RIMBP2: variants seen among roughly 807,000 people sequenced by gnomAD.
RIMBP2 encodes RIMS binding protein 2.
In RIMBP2, 48 loss-of-function variants were observed where a neutral mutation model predicts 118.6. The observed-to-expected ratio is 0.40, with a 90% CI of 0.32 to 0.51. RIMBP2 has a LOEUF of 0.51. Among genes scored for constraint, RIMBP2 ranks in the 20% least tolerant of loss-of-function variants. The pLI, the probability that RIMBP2 is intolerant of heterozygous loss-of-function variation, is 0.41. For missense variants in RIMBP2, 1,551 were observed against 1,768.3 expected (o/e 0.88, Z 2.20); for synonymous variants, 762 against 742.9 (o/e 1.03, Z -0.42).
intron 3 of RIMBP2, among the ~76,000 whole-genome samples, chr12:130,513,917 G>GA (rs1428531395): frequency 6.6e-6 from 1 of 152,230 alleles, no homozygotes; most frequent in Non-Finnish European, 1.5e-5. Flanking sequence ...GATCCAGAAG[G>GA]ACACTGTTGT....
chr12:130,681,698 T>C (rs1348270530), intron 1 of RIMBP2, among the ~76,000 whole-genome samples: 2 of 152,126 alleles, frequency 1.3e-5, no homozygotes, highest in East Asian at 3.9e-4. Context: ...GTATTTCTCT[T>C]TCTTTTTCTT....
At chr12:130,416,295 G>A (rs572050884) in intron 17 of RIMBP2, among the ~76,000 whole-genome samples, 6 of 152,246 alleles carry the variant, frequency 3.9e-5, no homozygotes, top group South Asian at 2.1e-4. Flanking sequence ...GAACAAATCC[G>A]GAGGCATCAC....
chr12:130,596,752 A>G (rs2140377278), intron 2 of RIMBP2, among the ~76,000 whole-genome samples: 1 of 152,334 alleles, frequency 6.6e-6, no homozygotes, highest in Admixed American at 6.5e-5. Context: ...TGCCATTGGG[A>G]AACGCCATCC....
chr12:130,545,037 T>A (rs1156547783), intron 2 of RIMBP2, among the ~76,000 whole-genome samples: 1 of 152,190 alleles, frequency 6.6e-6, no homozygotes, highest in Non-Finnish European at 1.5e-5. Context: ...TTTTTAGGCA[T>A]CCATTGAACA....
intron 1 of RIMBP2, among the ~76,000 whole-genome samples, chr12:130,704,605 A>G (rs1418156125): frequency 6.6e-6 from 1 of 152,068 alleles, no homozygotes; most frequent in East Asian, 1.9e-4. Context: ...ACAAAAGTAA[A>G]TGGCTTCTAA....
intron 4 of RIMBP2, among the ~76,000 whole-genome samples, chr12:130,484,509 C>T (rs1384302713): frequency 2.6e-5 from 4 of 152,344 alleles, no homozygotes; most frequent in East Asian, 3.9e-4. Context: ...GTGCACTGGC[C>T]GGCTCCCTTG....
At chr12:130,433,037 A>C (rs1214135853) in intron 14 of RIMBP2, among the ~76,000 whole-genome samples, 1 of 152,132 alleles carries the variant, frequency 6.6e-6, no homozygotes, top group African/African-American at 2.4e-5. Flanking sequence ...CCTACGCTGC[A>C]AGAAAACCCA....
chr12:130,449,515 G>A (rs1008269784), intron 9 of RIMBP2, among the ~76,000 whole-genome samples: 3 of 152,050 alleles, frequency 2.0e-5, no homozygotes, highest in Admixed American at 6.6e-5. Flanking sequence ...GTGAGGATGC[G>A]GGAGATCAGG....
At chr12:130,610,029 T>A (rs573703964) in intron 2 of RIMBP2, among the ~76,000 whole-genome samples, 17 of 152,270 alleles carry the variant, frequency 1.1e-4, no homozygotes, top group African/African-American at 3.9e-4. Context: ...CCCCAAAAAA[T>A]AGTGTGTGGC....
intron 6 of RIMBP2, among the ~76,000 whole-genome samples, chr12:130,462,192 G>A (rs1160706638): frequency 2.6e-5 from 4 of 152,274 alleles, no homozygotes; most frequent in Middle Eastern, 3.4e-3. Flanking sequence ...ATAAGCCTCC[G>A]ACACACAGGA....
intron 17 of RIMBP2, among the ~76,000 whole-genome samples, chr12:130,415,781 A>T (rs1402204655): frequency 6.6e-6 from 1 of 152,232 alleles, no homozygotes; most frequent in African/African-American, 2.4e-5. Context: ...TTCACTGATG[A>T]TATGATTCTA....
intron 6 of RIMBP2, among the ~76,000 whole-genome samples, chr12:130,466,632 A>G (rs2080502117): frequency 6.6e-6 from 1 of 152,192 alleles, no homozygotes; most frequent in Non-Finnish European, 1.5e-5. Context: ...TCTAAATAAG[A>G]TAGCCGCAAA....
intron 21 of RIMBP2, among the ~76,000 whole-genome samples, chr12:130,403,028 C>T (rs115394065): frequency 0.011 from 1,661 of 152,256 alleles, 26 homozygotes; most frequent in African/African-American, 0.039. Context: ...TCGGGGGTCC[C>T]TGCTTACGCT....
intron 1 of RIMBP2, among the ~76,000 whole-genome samples, chr12:130,653,514 A>G (rs1302879500): frequency 6.6e-6 from 1 of 152,154 alleles, no homozygotes; most frequent in Non-Finnish European, 1.5e-5. Flanking sequence ...CTCAGAATGC[A>G]AGCTGTTGGT....
intron 4 of RIMBP2, 78 bp downstream of exon 4, chr12:130,506,570 G>C: frequency 1.0e-6 from 1 of 955,516 alleles, no homozygotes; most frequent in Non-Finnish European, 1.2e-6. Context: ...CCTTCTGCTC[G>C]GGGTCCTGCA....
At position 130,428,337 on chromosome 12, in the gene RIMBP2, G is replaced by T; in HGVS notation, c.2254C>A (p.Pro752Thr). The change falls in exon 15 of 23, where the codon CCG becomes ACG. Residue 752 changes from proline (P) to threonine (T), a missense_variant and splice_region_variant. Pro to Thr is a conservative substitution (Grantham distance 38, BLOSUM62 -1). Around this residue, in one of 5 missense-constraint regions of RIMBP2, gnomAD observed 1,038 missense variants for 1,125.1 expected, o/e 0.92. Coordinates refer to ENST00000690449, the MANE Select transcript of RIMBP2 (RefSeq NM_001393629.1). ...FLKGSELGKQ[P>T]HCCHGDEYHT... The stretch of plus-strand genomic sequence containing the variant: ...TACTCGTCTCCATGGCAACAGTGCG[G>T]CTGGGGGCCAAGAAAAGGGGCTACT... 4 of 1,603,432 alleles carry T rather than the reference G, an allele frequency of 2.5e-6. No homozygotes were observed. The highest frequency in any genetic ancestry group is 3.4e-6 in the Non-Finnish European group (4 of 1,174,634).
At chr12:130,592,272 C>A (rs2059315980) in intron 2 of RIMBP2, among the ~76,000 whole-genome samples, 1 of 152,132 alleles carries the variant, frequency 6.6e-6, no homozygotes. Context: ...CCTGGAAACT[C>A]AAAAATTATC....
chr12:130,687,644 G>GA (rs2065118752), intron 1 of RIMBP2, among the ~76,000 whole-genome samples: 1 of 152,114 alleles, frequency 6.6e-6, no homozygotes, highest in African/African-American at 2.4e-5. Flanking sequence ...TTTCAGAATG[G>GA]AAAATCATTT....
chr12:130,555,072 T>C (rs1234915067), intron 2 of RIMBP2, among the ~76,000 whole-genome samples: 1 of 152,116 alleles, frequency 6.6e-6, no homozygotes, highest in Non-Finnish European at 1.5e-5. Flanking sequence ...ATCCCCATCT[T>C]AGAGAGAAAA....
Sources: allele counts gnomAD v4.1 joint callset (sites outside exome capture counted in the v4.1 genomes callset), GRCh38; gene constraint gnomAD v4.1.1; regional missense constraint gnomAD v4.1.1; transcripts MANE v1.5; gene names NCBI Gene and HGNC (gene_info 2026-07-23, HGNC 2026-07-21).